The following DOCK6 variants were observed in gnomAD, a reference collection of about 807,000 sequenced individuals.
The protein encoded by DOCK6 is dedicator of cytokinesis protein 6.
DOCK6 carries 167 observed loss-of-function variants against 230.3 expected under a neutral mutation model. The ratio of observed to expected loss-of-function variants is 0.73; its 90% CI spans 0.64 to 0.82. DOCK6 has a LOEUF of 0.82. Among genes scored for constraint, DOCK6 ranks in the 40% least tolerant of loss-of-function variants. The pLI is 0.00. For missense variants in DOCK6, 2,598 were observed against 2,825.8 expected (o/e 0.92, Z 1.83); for synonymous variants, 1,148 against 1,185.0 (o/e 0.97, Z 0.64).
At chr19:11,220,677 TG>T (rs1452972150) in intron 28 of DOCK6, among the ~76,000 whole-genome samples, 1 of 152,054 alleles carries the variant, frequency 6.6e-6, no homozygotes, top group African/African-American at 2.4e-5. Flanking sequence ...TGATCAAATC[TG>T]GAAGTCAGCA....
At chr19:11,203,450 A>AG (rs892889588) in intron 41 of DOCK6, 5 of 83,238 alleles carry the variant, frequency 6.0e-5, no homozygotes, top group African/African-American at 1.9e-4. Flanking sequence ...CAGAGACGGG[A>AG]GGGGGGCGGG....
At chr19:11,217,813 T>C (rs934986757) in intron 28 of DOCK6, among the ~76,000 whole-genome samples, 1 of 151,798 alleles carries the variant, frequency 6.6e-6, no homozygotes, top group African/African-American at 2.4e-5. Context: ...AGTGGGTTTC[T>C]GGTTGTCTGC....
rs1298152372 is a variant in DOCK6 at position 11,217,006 on chromosome 19, G to A, written c.3802C>T (p.Leu1268Phe). The stretch of plus-strand genomic sequence containing the variant: ...AGGTCAGTGGCCCAGCGCTGCAGGA[G>A]CGCCGGCTCGGTGTTTTTCAGCACC... ...LWVLKNTEPA[L>F]LQRWATDLTL... The change falls in exon 30 of 48, where the codon CTC becomes TTC. Residue 1268 changes from leucine (L) to phenylalanine (F), a missense_variant. Leu to Phe is a conservative substitution (Grantham distance 22, BLOSUM62 0). Coordinates refer to ENST00000294618, the MANE Select transcript of DOCK6 (RefSeq NM_020812.4). 1.2e-6 allele frequency: 2 copies of A among 1,613,528 alleles called. No homozygotes were observed. Among genetic ancestry groups the A allele is most frequent in the Non-Finnish European group, 1.7e-6 (2 of 1,179,902 alleles).
Position 11,252,883 on chromosome 19 carries a change from C to A in DOCK6, c.208G>T (p.Gly70Trp). 2 of 1,613,736 alleles carry A rather than the reference C, an allele frequency of 1.2e-6. No homozygotes were observed. The highest frequency in any genetic ancestry group is 1.7e-6 in the Non-Finnish European group (2 of 1,179,806). Residue 70 changes from glycine (G) to tryptophan (W), a missense_variant, in exon 3 of 48, where the codon GGG (glycine) becomes TGG (tryptophan). Coordinates refer to ENST00000294618, the MANE Select transcript of DOCK6 (RefSeq NM_020812.4). ...LLSRPPDAEPGPLRDLVEFPA... is the reference protein window; with the variant it reads ...LLSRPPDAEPWPLRDLVEFPA... ...AATTCTACCAGGTCCCTGAGGGGCC[C>A]GGGCTCAGCATCTGGTGGCCGGCTC...
intron 24 of DOCK6, among the ~76,000 whole-genome samples, chr19:11,226,007 C>T (rs956313736): frequency 5.3e-5 from 8 of 152,022 alleles, no homozygotes; most frequent in African/African-American, 1.7e-4. Context: ...CGCACCACTG[C>T]GCTCCAGCCT....
chr19:11,235,694 C>T lies in DOCK6; in HGVS notation c.2458G>A (p.Glu820Lys). ...HVVSLVHRSLEAAQDARGHCP... is the reference protein window; with the variant it reads ...HVVSLVHRSLKAAQDARGHCP... ...TGACCGCGGGCATCCTGGGCTGCCT[C>T]CAGGCTCCGGTGAACAAGGCTGACT... Residue 820 changes from glutamate (E) to lysine (K), a missense_variant, in exon 21 of 48, where the codon GAG (glutamate) becomes AAG (lysine). Coordinates refer to ENST00000294618, the MANE Select transcript of DOCK6 (RefSeq NM_020812.4). 1.2e-6 allele frequency: 2 copies of T among 1,601,602 alleles called. No individual in the cohort carries two copies. Among genetic ancestry groups the T allele is most frequent in the South Asian group, 2.3e-5 (2 of 88,434 alleles).
intron 28 of DOCK6, among the ~76,000 whole-genome samples, chr19:11,219,401 G>A (rs1703569548): frequency 6.7e-6 from 1 of 148,954 alleles, no homozygotes; most frequent in Admixed American, 6.7e-5. Flanking sequence ...TGTTGGTCAG[G>A]CTGGTCTCAA....
chr19:11,247,313 C>G (rs2080050420), intron 7 of DOCK6: 1 of 151,508 alleles, frequency 6.6e-6, no homozygotes, highest in East Asian at 1.9e-4. Context: ...AGGCTGGTCT[C>G]AAATTCCTGA....
At position 11,227,352 on chromosome 19, in the gene DOCK6, G is replaced by A; in HGVS notation, c.2940C>T (p.Ile980=). The A allele has an allele frequency of 6.2e-7, 1 of 1,613,882 alleles. No homozygotes were observed. The highest frequency in any genetic ancestry group is 1.1e-5 in the South Asian group (1 of 91,082). Residue 980 remains isoleucine, a synonymous_variant, in exon 24 of 48, where the codon ATC becomes ATT. Transcript: ENST00000294618. ...CATCTCTCACCTTGTGGACACGGGT[G>A]ATGACCTCCAGGCCCACAGAGCCCA... ...ALVGSVGLEV[I]TRVHKDVELA...
intron 14 of DOCK6, chr19:11,239,596 G>A (rs1397462395): frequency 5.6e-6 from 9 of 1,608,214 alleles, no homozygotes; most frequent in Non-Finnish European, 7.6e-6. Context: ...GGCATAAAAG[G>A]CTTCAGTGAC....
intron 1 of DOCK6, 145 bp from the exon 2 acceptor site, chr19:11,253,871 GC>G: frequency 1.7e-6 from 1 of 581,928 alleles, no homozygotes; most frequent in Non-Finnish European, 3.0e-6. Context: ...GGCTTTAAGG[GC>G]CCACAGCTCC....
intron 35 of DOCK6, 122 bp from the exon 36 acceptor site, chr19:11,212,273 A>T: frequency 8.7e-7 from 1 of 1,148,652 alleles, no homozygotes; most frequent in Non-Finnish European, 1.2e-6. Context: ...TGGGGGTCTC[A>T]CTCTGTCGCC....
intron 1 of DOCK6, among the ~76,000 whole-genome samples, chr19:11,260,305 G>T (rs1281832512): frequency 6.6e-6 from 1 of 152,168 alleles, no homozygotes; most frequent in Non-Finnish European, 1.5e-5. Context: ...AGCAAGCTGG[G>T]CGCAATGGCT....
intron 1 of DOCK6, among the ~76,000 whole-genome samples, chr19:11,255,434 C>T (rs1258943841): frequency 6.6e-6 from 1 of 151,932 alleles, no homozygotes; most frequent in East Asian, 1.9e-4. Context: ...CAGCCTCAGC[C>T]TCCCAAGTAG....
At chr19:11,204,042 G>T in intron 41 of DOCK6, 39 bp downstream of exon 41, 1 of 1,549,276 alleles carries the variant, frequency 6.5e-7, no homozygotes, top group African/African-American at 1.4e-5. Flanking sequence ...CATCACGGGG[G>T]TCCCAGAGGC....
rs1432046575 is a variant in DOCK6 at position 11,246,094 on chromosome 19, T to C, written c.807-216A>G. Reference sequence around the variant, plus strand: ...TGGTTTTTTTTTTTTTGAGACAGAGTCTCGCTCTGTTGCCCAGGCTGGAGT... The same window carrying C: ...TGGTTTTTTTTTTTTTGAGACAGAGCCTCGCTCTGTTGCCCAGGCTGGAGT... On this transcript the variant is annotated intron_variant, in intron 7 of 47. Coordinates refer to ENST00000294618, the MANE Select transcript of DOCK6 (RefSeq NM_020812.4). Among the ~76,000 whole-genome samples the C allele has an allele frequency of 1.2e-4, 18 of 150,282 alleles. 1 individual carries two copies. The South Asian group carries it at 3.4e-3, about 28-fold the overall frequency.
chr19:11,240,371 C>T, intron 14 of DOCK6: 1 of 1,405,938 alleles, frequency 7.1e-7, no homozygotes, highest in South Asian at 1.5e-5. Flanking sequence ...CCTTGAGTCC[C>T]AAAGACCTCC....
At position 11,204,259 on chromosome 19, in the gene DOCK6, TGTA is replaced by T; in HGVS notation, c.5158_5160del (p.Tyr1720del). The T allele has an allele frequency of 6.2e-7, 1 of 1,601,352 alleles. No homozygotes were observed. The highest frequency in any genetic ancestry group is 8.5e-7 in the Non-Finnish European group (1 of 1,173,246). On this transcript the variant is annotated inframe_deletion, in exon 40 of 48. Transcript: ENST00000294618. ...TTGCCGTGCACCGCGGCCAGCTTCT[TGTA>T]GTCACGGTGGGCTTCCAGGATGGGG...
intron 18 of DOCK6, chr19:11,237,099 G>T: frequency 1.7e-6 from 1 of 596,698 alleles, no homozygotes; most frequent in Non-Finnish European, 3.0e-6. Flanking sequence ...GGAGACACAG[G>T]GTGAATGAAT....
Sources: gnomAD v4.1 joint callset for allele counts (sites outside exome capture counted in the v4.1 genomes callset) on GRCh38, gnomAD v4.1.1 for gene constraint, MANE v1.5 for transcripts, NCBI Gene and HGNC (gene_info 2026-07-23, HGNC 2026-07-21) for gene names.